Variants in EFNA5 observed in about 807,000 individuals in gnomAD.
The protein encoded by EFNA5 is ephrin-A5.
Under a neutral mutation model 22.9 loss-of-function variants are expected in EFNA5, and 5 were observed. The observed-to-expected ratio is 0.22, with a 90% CI of 0.11 to 0.46. The LOEUF (loss-of-function observed/expected upper bound fraction) is 0.46, where lower values mean the gene tolerates loss of function less well. Ranked by LOEUF, EFNA5 falls within the 20% of genes least tolerant of loss-of-function variation. The pLI, the probability that EFNA5 is intolerant of heterozygous loss-of-function variation, is 0.99. For missense variants in EFNA5, 237 were observed against 293.3 expected (o/e 0.81, Z 1.40); for synonymous variants, 113 against 112.2 (o/e 1.01, Z -0.04).
At chr5:107,638,461 T>C (rs1217506351) in intron 1 of EFNA5, among the ~76,000 whole-genome samples, 2 of 152,108 alleles carry the variant, frequency 1.3e-5, no homozygotes, top group Non-Finnish European at 2.9e-5. Flanking sequence ...TAACAATACA[T>C]TGTATAGAGT....
At chr5:107,440,906 G>A (rs1168269567) in intron 1 of EFNA5, among the ~76,000 whole-genome samples, 1 of 151,894 alleles carries the variant, frequency 6.6e-6, no homozygotes, top group Admixed American at 6.6e-5. Flanking sequence ...TACAGAATAG[G>A]ATAATTTTAC....
intron 1 of EFNA5, among the ~76,000 whole-genome samples, chr5:107,530,512 C>T (rs1747787731): frequency 6.6e-6 from 1 of 152,194 alleles, no homozygotes; most frequent in South Asian, 2.1e-4. Flanking sequence ...ACTACAGAAA[C>T]ATTTTGCTCT....
chr5:107,655,666 G>A (rs1452306236), intron 1 of EFNA5, among the ~76,000 whole-genome samples: 1 of 152,028 alleles, frequency 6.6e-6, no homozygotes, highest in Non-Finnish European at 1.5e-5. Context: ...GTATATGATG[G>A]AAATTTTTTA....
chr5:107,527,116 T>C (rs1354803992), intron 1 of EFNA5, among the ~76,000 whole-genome samples: 2 of 152,168 alleles, frequency 1.3e-5, no homozygotes, highest in Non-Finnish European at 2.9e-5. Flanking sequence ...TGGACATAAA[T>C]ATGACCTGGC....
At chr5:107,521,630 G>A (rs594018) in intron 1 of EFNA5, among the ~76,000 whole-genome samples, 2,448 of 151,730 alleles carry the variant, frequency 0.016, 68 homozygotes, top group African/African-American at 0.057. Flanking sequence ...TAGTGATTGC[G>A]CGGCTTACTG....
chr5:107,625,036 G>A (rs1561452855), intron 1 of EFNA5, among the ~76,000 whole-genome samples: 2 of 152,094 alleles, frequency 1.3e-5, no homozygotes, highest in African/African-American at 2.4e-5. Context: ...TGGCCTTAAC[G>A]CAATTCAAAA....
chr5:107,402,371 A>T (rs2112390624), intron 2 of EFNA5, among the ~76,000 whole-genome samples: 1 of 152,368 alleles, frequency 6.6e-6, no homozygotes, highest in Middle Eastern at 3.4e-3. Context: ...CAACAAAATC[A>T]TGCAGGTAAA....
chr5:107,650,086 T>A (rs1291830883), intron 1 of EFNA5, among the ~76,000 whole-genome samples: 1 of 152,134 alleles, frequency 6.6e-6, no homozygotes, highest in Admixed American at 6.6e-5. Flanking sequence ...AAAATGCAGA[T>A]AACATATATA....
intron 1 of EFNA5, among the ~76,000 whole-genome samples, chr5:107,484,791 T>C (rs1484379266): frequency 2.1e-5 from 3 of 143,774 alleles, no homozygotes; most frequent in African/African-American, 7.8e-5. Context: ...GTGATAGTTA[T>C]GATTTTGTAT....
At chr5:107,587,527 T>C (rs1749214932) in intron 1 of EFNA5, among the ~76,000 whole-genome samples, 1 of 152,164 alleles carries the variant, frequency 6.6e-6, no homozygotes, top group Non-Finnish European at 1.5e-5. Flanking sequence ...TTTGTTGTTG[T>C]TGTTTTTGAG....
chr5:107,531,743 T>A lies in EFNA5; in HGVS notation c.126-104234A>T, dbSNP rs1747814462. 2.0e-5 allele frequency among the ~76,000 whole-genome samples: 3 copies of A among 152,220 alleles called. No homozygotes were observed. The South Asian group carries it at 6.2e-4, about 31-fold the overall frequency. On this transcript the variant is annotated intron_variant, in intron 1 of 4. Transcript: ENST00000333274. ...CTTGTTCTAAATAGGCATTCTCTCC[T>A]TGCCTTTTCAATAAAGACATTATAG...
At chr5:107,605,163 G>A (rs1749688200) in intron 1 of EFNA5, among the ~76,000 whole-genome samples, 1 of 151,958 alleles carries the variant, frequency 6.6e-6, no homozygotes, top group Non-Finnish European at 1.5e-5. Flanking sequence ...GGGGGGGGAA[G>A]CAGAGCTAAC....
intron 1 of EFNA5, among the ~76,000 whole-genome samples, chr5:107,661,354 G>A (rs950399062): frequency 2.0e-5 from 3 of 152,192 alleles, no homozygotes; most frequent in African/African-American, 7.2e-5. Context: ...ATGGTAAGGT[G>A]AGAAACTTAA....
intron 2 of EFNA5, among the ~76,000 whole-genome samples, chr5:107,425,153 G>A (rs989113105): frequency 6.6e-6 from 1 of 152,146 alleles, no homozygotes; most frequent in Non-Finnish European, 1.5e-5. Flanking sequence ...GATTTTTAGT[G>A]AAATATTGAA....
chr5:107,596,454 G>A (rs1278090169), intron 1 of EFNA5, among the ~76,000 whole-genome samples: 1 of 152,082 alleles, frequency 6.6e-6, no homozygotes, highest in Non-Finnish European at 1.5e-5. Flanking sequence ...TCTTTTTAAA[G>A]AGTGGATAAT....
rs1417467832 is a variant in EFNA5, at chr5:107,382,099, G to A, written c.566-723C>T. 4.6e-5 allele frequency among the ~76,000 whole-genome samples: 7 copies of A among 152,194 alleles called. No homozygotes were observed. In the South Asian group the frequency reaches 1.5e-3, roughly 32 times the overall value. On this transcript the variant is annotated intron_variant, in intron 4 of 4. Transcript: ENST00000333274. ...GAAGCTTGGCACATAAATTATCAGC[G>A]TGGATGCAAATTTTCCTCTAAATAA...
intron 1 of EFNA5, among the ~76,000 whole-genome samples, chr5:107,625,954 T>C (rs1750133224): frequency 6.6e-6 from 1 of 152,234 alleles, no homozygotes; most frequent in Non-Finnish European, 1.5e-5. Context: ...CTCATTACTA[T>C]AGCTACAGAC....
At chr5:107,508,368 G>C (rs1218702490) in intron 1 of EFNA5, among the ~76,000 whole-genome samples, 1 of 152,146 alleles carries the variant, frequency 6.6e-6, no homozygotes, top group Non-Finnish European at 1.5e-5. Flanking sequence ...CAGCTCTCTG[G>C]ATAATTATTC....
chr5:107,427,200 A>T lies in EFNA5; in HGVS notation c.418+17T>A. 6.2e-7 allele frequency: 1 copy of T among 1,613,904 alleles called. No homozygotes were observed. ...CTTGCAGCTGCCCTACAACACGATA[A>T]ATCTCTATATACTCACAGATGTAGA... On this transcript the variant is annotated intron_variant, in intron 2 of 4. Coordinates refer to ENST00000333274, the MANE Select transcript of EFNA5 (RefSeq NM_001962.3).
Sources: gnomAD v4.1 joint callset for allele counts (sites outside exome capture counted in the v4.1 genomes callset) on GRCh38, gnomAD v4.1.1 for gene constraint, MANE v1.5 for transcripts, NCBI Gene and HGNC (gene_info 2026-07-23, HGNC 2026-07-21) for gene names.